TJP1: variants seen among roughly 807,000 people sequenced by gnomAD.
The protein encoded by TJP1 is tight junction protein ZO-1.
A neutral mutation model predicts 194.2 loss-of-function variants in TJP1; 43 were observed. The ratio of observed to expected loss-of-function variants is 0.22; its 90% CI spans 0.17 to 0.29. The LOEUF (loss-of-function observed/expected upper bound fraction) is 0.29, where lower values mean the gene tolerates loss of function less well. TJP1 is among the 10% of genes least tolerant of loss of function. The pLI, the probability that TJP1 is intolerant of heterozygous loss-of-function variation, is 1.00. For missense variants in TJP1, 1,971 were observed against 2,185.7 expected, an observed-to-expected ratio of 0.90 and a Z score of 1.96; for synonymous variants, 801 against 779.0, an observed-to-expected ratio of 1.03 and a Z score of -0.47.
At chr15:29,949,649 ACCACCT>A (rs2055541176) in intron 2 of TJP1, among the ~76,000 whole-genome samples, 10 of 98,110 alleles carry the variant, frequency 1.0e-4, no homozygotes, top group African/African-American at 1.4e-4. Flanking sequence ...CTCCACCACC[ACCACCT>A]CCACCTCCAC....
chr15:29,950,183 TCCACCA>T (rs201669884), intron 2 of TJP1, among the ~76,000 whole-genome samples: 4,349 of 59,794 alleles, frequency 0.073, 383 homozygotes, highest in Admixed American at 0.15. Flanking sequence ...TACCTCCACC[TCCACCA>T]CCACCACCAC....
At chr15:29,759,391 C>T (rs1049545524) in intron 8 of TJP1, 7 of 152,180 alleles carry the variant, frequency 4.6e-5, no homozygotes, top group African/African-American at 1.7e-4. Context: ...AGGTGTACAA[C>T]AGTGATGTTT....
At chr15:29,756,820 G>A (rs1428897899) in intron 8 of TJP1, among the ~76,000 whole-genome samples, 4 of 152,102 alleles carry the variant, frequency 2.6e-5, no homozygotes, top group Non-Finnish European at 4.4e-5. Context: ...CCAATCCCAG[G>A]TCAACAACAT....
chr15:29,945,458 T>A (rs2055242807), intron 2 of TJP1, among the ~76,000 whole-genome samples: 1 of 152,174 alleles, frequency 6.6e-6, no homozygotes, highest in Non-Finnish European at 1.5e-5. Flanking sequence ...TTCAAACCAT[T>A]CCATTTGAGA....
intron 10 of TJP1, chr15:29,741,066 A>ATTT: frequency 4.5e-5 from 10 of 221,218 alleles, no homozygotes; most frequent in South Asian, 9.5e-5. Flanking sequence ...TCTGAATAGA[A>ATTT]TTTTTTTTTT....
intron 2 of TJP1, among the ~76,000 whole-genome samples, chr15:29,831,933 T>C (rs927594993): frequency 6.6e-6 from 1 of 152,188 alleles, no homozygotes; most frequent in Non-Finnish European, 1.5e-5. Context: ...TCATCTTTCT[T>C]TGGAGTATGT....
At chr15:29,830,715 A>G (rs2050811780) in intron 2 of TJP1, among the ~76,000 whole-genome samples, 1 of 152,078 alleles carries the variant, frequency 6.6e-6, no homozygotes, top group South Asian at 2.1e-4. Context: ...AGCTCTGGCC[A>G]TTGAAAAGGA....
Position 29,748,909 on chromosome 15 carries a change from T to C in TJP1, c.1011-6128A>G, listed in dbSNP as rs1386381035. On this transcript the variant is annotated intron_variant, in intron 8 of 27. Coordinates refer to ENST00000614355, the MANE Select transcript of TJP1 (RefSeq NM_001330239.4). ...AATTCTATCCTAATGGCTCTCCATA[T>C]TTAAGCTTAAAAATGTGTGTGTGTG... 2.0e-5 allele frequency among the ~76,000 whole-genome samples: 3 copies of C among 149,786 alleles called. No individual in the cohort carries two copies. The East Asian group carries it at 6.0e-4, about 30-fold the overall frequency.
At chr15:29,874,755 T>C (rs2052640905) in intron 2 of TJP1, among the ~76,000 whole-genome samples, 1 of 152,256 alleles carries the variant, frequency 6.6e-6, no homozygotes, top group Non-Finnish European at 1.5e-5. Flanking sequence ...TCTGATTTCC[T>C]ATTTAATGAA....
intron 24 of TJP1, among the ~76,000 whole-genome samples, 194 bp from the exon 25 acceptor site, chr15:29,709,230 T>C (rs1214981325): frequency 6.6e-6 from 1 of 152,086 alleles, no homozygotes; most frequent in African/African-American, 2.4e-5. Flanking sequence ...GCCATGAATA[T>C]ATATACCCTG....
At chr15:29,880,810 G>A (rs2052899611) in intron 2 of TJP1, among the ~76,000 whole-genome samples, 1 of 152,112 alleles carries the variant, frequency 6.6e-6, no homozygotes, top group African/African-American at 2.4e-5. Flanking sequence ...TCCATTGTAC[G>A]TATATATCAC....
intron 2 of TJP1, among the ~76,000 whole-genome samples, chr15:29,863,134 A>G (rs946882671): frequency 6.6e-6 from 1 of 151,606 alleles, no homozygotes; most frequent in African/African-American, 2.4e-5. Context: ...CATCTGTACT[A>G]AAAACACAAA....
rs2052495645 is a variant in TJP1 at position 29,870,967 on chromosome 15, G to A, written c.307-70265C>T. 2.6e-5 allele frequency among the ~76,000 whole-genome samples: 4 copies of A among 152,238 alleles called. 1 individual carries two copies. The highest frequency in any genetic ancestry group is 2.6e-4 in the Admixed American group (4 of 15,284). ...ACTGGCCCAAGGTCACGAGGGAACT[G>A]GCGGCCAGCCCCAGGACACAGAGGG... is the stretch of plus-strand genomic sequence containing the variant. On this transcript the variant is annotated intron_variant, in intron 2 of 28. Coordinates refer to the TJP1 transcript ENST00000356107.
intron 1 of TJP1, among the ~76,000 whole-genome samples, chr15:29,960,667 G>A (rs75730234): frequency 1.6e-3 from 238 of 151,228 alleles, no homozygotes; most frequent in African/African-American, 5.5e-3. Context: ...AATCAGTAGC[G>A]CTAAAGTGGT....
rs2045047440 is a variant in TJP1, at chr15:29,748,993, G to T, written c.1011-6212C>A. Among the ~76,000 whole-genome samples, 3 of 151,290 alleles carry T rather than the reference G, an allele frequency of 2.0e-5. No homozygotes were observed. The South Asian group carries it at 6.3e-4, about 32-fold the overall frequency. On this transcript the variant is annotated intron_variant, in intron 8 of 27. Transcript: ENST00000614355. Reference sequence around the variant, plus strand: ...GCGCGCGTTTGCTATTATGAGGAAAGCTTTCTATAAAAATTATGTGTTCGG... The same window carrying T: ...GCGCGCGTTTGCTATTATGAGGAAATCTTTCTATAAAAATTATGTGTTCGG...
chr15:29,933,956 C>T (rs368788550), intron 2 of TJP1, among the ~76,000 whole-genome samples: 4 of 152,076 alleles, frequency 2.6e-5, no homozygotes, highest in African/African-American at 7.2e-5. Flanking sequence ...TACCAAGGTA[C>T]GTCACGGGAC....
intron 2 of TJP1, among the ~76,000 whole-genome samples, chr15:29,875,852 C>T (rs2052679823): frequency 6.6e-6 from 1 of 152,212 alleles, no homozygotes; most frequent in Non-Finnish European, 1.5e-5. Flanking sequence ...ACGTGAGCCA[C>T]TGTGCCTGGC....
At chr15:29,818,881 G>A (rs559040734) in intron 1 of TJP1, among the ~76,000 whole-genome samples, 2 of 151,952 alleles carry the variant, frequency 1.3e-5, no homozygotes, top group Admixed American at 6.6e-5. Flanking sequence ...CAGTGGCCCC[G>A]ATCTCAGCTC....
upstream of TJP1, among the ~76,000 whole-genome samples, chr15:29,824,445 A>AATCATCATCATCATC (rs34399157): frequency 1.1e-4 from 16 of 145,910 alleles, no homozygotes; most frequent in East Asian, 1.8e-3. Context: ...CTCCGTCTCA[A>AATCATCATCATCATC]ATCATCATCA....
Sources: gnomAD v4.1 joint callset for allele counts (sites outside exome capture counted in the v4.1 genomes callset) on GRCh38, gnomAD v4.1.1 for gene constraint, MANE v1.5 for transcripts, NCBI Gene and HGNC (gene_info 2026-07-23, HGNC 2026-07-21) for gene names.